CCDC7: variants seen among roughly 807,000 people sequenced by gnomAD.
CCDC7 encodes coiled-coil domain containing 7.
CCDC7 carries 183 observed loss-of-function variants against 196.9 expected under a neutral mutation model. The observed-to-expected ratio is 0.93, with a 90% CI of 0.82 to 1.05. CCDC7 has a LOEUF of 1.05. Ranked by LOEUF, CCDC7 falls within the 50% of genes least tolerant of loss-of-function variation. The pLI is 0.00. For synonymous variants in CCDC7, 525 were observed against 484.6 expected (o/e 1.08, Z -1.10); for missense variants, 1,540 against 1,482.2 (o/e 1.04, Z -0.64).
rs563116499 is a variant in CCDC7 at position 32,756,489 on chromosome 10, A to G, written c.2906-22488A>G. On this transcript the variant is annotated intron_variant, in intron 28 of 41. Coordinates refer to ENST00000639629, the Ensembl canonical transcript of CCDC7. ...AAGAATTTTCAACCCAGAATTTCAT[A>G]TCCAGCCAAACTAAGCTTCATAAGT... Among the ~76,000 whole-genome samples the G allele has an allele frequency of 7.2e-5, 11 of 152,358 alleles. 1 individual carries two copies. The highest frequency in any genetic ancestry group is 2.6e-4 in the Admixed American group (4 of 15,306).
chr10:32,549,432 T>C (rs954076825), intron 13 of CCDC7, among the ~76,000 whole-genome samples: 1 of 152,186 alleles, frequency 6.6e-6, no homozygotes, highest in Non-Finnish European at 1.5e-5. Flanking sequence ...GTCCCAGATA[T>C]TTATTTTCAT....
At chr10:32,653,463 C>T (rs949158963) in intron 20 of CCDC7, among the ~76,000 whole-genome samples, 1 of 152,160 alleles carries the variant, frequency 6.6e-6, no homozygotes, top group Non-Finnish European at 1.5e-5. Flanking sequence ...ACTGTACTTT[C>T]TGCTCTCTTC....
intron 31 of CCDC7, among the ~76,000 whole-genome samples, chr10:32,821,162 G>A (rs904015585): frequency 7.2e-5 from 11 of 152,204 alleles, no homozygotes; most frequent in African/African-American, 2.7e-4. Flanking sequence ...GATATGAACA[G>A]ACACTTCTCA....
intron 9 of CCDC7, 83 bp downstream of exon 10, chr10:32,492,080 T>G: frequency 7.5e-7 from 1 of 1,340,908 alleles, no homozygotes; most frequent in Non-Finnish European, 9.8e-7. Flanking sequence ...ATATGTAATA[T>G]GTTCATTGAA....
intron 24 of CCDC7, among the ~76,000 whole-genome samples, chr10:32,695,663 G>A (rs1267044024): frequency 6.6e-6 from 1 of 152,190 alleles, no homozygotes; most frequent in East Asian, 1.9e-4. Context: ...TGGAAGGCCA[G>A]TGCTTCATCT....
At chr10:32,810,117 C>T (rs868615826) in intron 30 of CCDC7, among the ~76,000 whole-genome samples, 23 of 151,902 alleles carry the variant, frequency 1.5e-4, no homozygotes, top group Middle Eastern at 6.8e-3. Flanking sequence ...ATAAACAACA[C>T]AAGAGAAAGA....
intron 30 of CCDC7, among the ~76,000 whole-genome samples, chr10:32,809,771 C>T (rs74459623): frequency 0.086 from 13,058 of 152,232 alleles, 879 homozygotes; most frequent in South Asian, 0.25. Flanking sequence ...CACTTTTACA[C>T]TGTTAGTGGG....
At chr10:32,491,054 G>A (rs1274864128) in intron 8 of CCDC7, among the ~76,000 whole-genome samples, 1 of 151,992 alleles carries the variant, frequency 6.6e-6, no homozygotes, top group African/African-American at 2.4e-5. Context: ...TTCTGCCTTT[G>A]CTTAGGGTGT....
chr10:32,669,631 T>TA (rs2073643914), intron 21 of CCDC7, among the ~76,000 whole-genome samples: 1 of 152,176 alleles, frequency 6.6e-6, no homozygotes, highest in Non-Finnish European at 1.5e-5. Context: ...GTCTAGGAAT[T>TA]ATTCATTTCT....
At chr10:32,722,251 GAATATACTAAAAC>G (rs2082521224) in intron 25 of CCDC7, among the ~76,000 whole-genome samples, 1 of 152,054 alleles carries the variant, frequency 6.6e-6, no homozygotes, top group Non-Finnish European at 1.5e-5. Flanking sequence ...ATGCAAGCAG[GAATATACTAAAAC>G]AATATAACTA....
chr10:32,708,174 T>C (rs1255150947), intron 24 of CCDC7, among the ~76,000 whole-genome samples: 3 of 152,092 alleles, frequency 2.0e-5, no homozygotes, highest in East Asian at 3.9e-4. Context: ...ACCACACATC[T>C]ACACCCATCT....
At chr10:32,671,552 G>T (rs1231322192) in intron 21 of CCDC7, among the ~76,000 whole-genome samples, 1 of 152,054 alleles carries the variant, frequency 6.6e-6, no homozygotes, top group East Asian at 1.9e-4. Context: ...AAAATGTTTT[G>T]AATTTTTTAT....
chr10:32,845,122 T>C (rs962060784), intron 33 of CCDC7, 121 bp from the exon 35 acceptor site: 8 of 535,678 alleles, frequency 1.5e-5, no homozygotes, highest in Admixed American at 3.4e-5. Context: ...AGTACCAATA[T>C]GTTAGTATTA....
chr10:32,694,332 A>G (rs1025527939), intron 23 of CCDC7, among the ~76,000 whole-genome samples: 6 of 152,168 alleles, frequency 3.9e-5, no homozygotes, highest in Non-Finnish European at 8.8e-5. Flanking sequence ...GAAGTTTGTG[A>G]TGTTTTTGTT....
intron 9 of CCDC7, 143 bp downstream of exon 10, chr10:32,492,140 A>G: frequency 2.6e-6 from 2 of 761,182 alleles, no homozygotes; most frequent in Non-Finnish European, 3.6e-6. Flanking sequence ...TAAAGAAGAA[A>G]ATAACACCTC....
At chr10:32,480,772 A>C (rs988902063) in intron 8 of CCDC7, among the ~76,000 whole-genome samples, 4 of 152,180 alleles carry the variant, frequency 2.6e-5, no homozygotes, top group Non-Finnish European at 5.9e-5. Context: ...CTAACACAAG[A>C]TCTGTCCTTT....
rs780500596 is a variant in CCDC7 at position 32,518,365 on chromosome 10, T to A, written c.904-51T>A. On this transcript the variant is annotated intron_variant, in intron 10 of 41. Coordinates refer to ENST00000639629, the Ensembl canonical transcript of CCDC7. The stretch of plus-strand genomic sequence containing the variant: ...AATAATTAAATATCTGAATAACCTT[T>A]CTACATTGAGAGTTTTACTCTTCAT... 44 of 1,509,074 alleles carry A rather than the reference T, an allele frequency of 2.9e-5. No individual in the cohort carries two copies. The East Asian group carries it at 1.1e-3, about 36-fold the overall frequency. 93.5% of individuals were successfully genotyped at this position (1,509,074 alleles called of 1,614,324 possible).
intron 6 of CCDC7, 142 bp from the exon 8 acceptor site, chr10:32,472,339 T>C: frequency 1.4e-6 from 1 of 697,306 alleles, no homozygotes; most frequent in Non-Finnish European, 2.1e-6. Flanking sequence ...CCTTAGTGTC[T>C]GTGAGTAAAG....
At chr10:32,740,685 A>T (rs977223161) in intron 28 of CCDC7, among the ~76,000 whole-genome samples, 18 of 152,222 alleles carry the variant, frequency 1.2e-4, no homozygotes, top group Non-Finnish European at 1.9e-4. Context: ...AGCAGTGTGC[A>T]TAATTTTAAT....
Sources: allele counts gnomAD v4.1 joint callset (sites outside exome capture counted in the v4.1 genomes callset), GRCh38; gene constraint gnomAD v4.1.1; transcripts MANE v1.5; gene names NCBI Gene and HGNC (gene_info 2026-07-23, HGNC 2026-07-21).